The following EXOC2 variants were observed in gnomAD, a reference collection of about 807,000 sequenced individuals.
EXOC2 encodes exocyst complex component 2.
In EXOC2, 70 loss-of-function variants were observed where a neutral mutation model predicts 131.8. That is an observed-to-expected ratio of 0.53 (90% confidence interval 0.44 to 0.65). The LOEUF (loss-of-function observed/expected upper bound fraction) is 0.65, where lower values mean the gene tolerates loss of function less well. Ranked by LOEUF, EXOC2 falls within the 30% of genes least tolerant of loss-of-function variation. The pLI is 0.00. For synonymous variants in EXOC2, 411 were observed against 398.4 expected (o/e 1.03, Z -0.38); for missense variants, 923 against 1,108.6 (o/e 0.83, Z 2.38).
intron 1 of EXOC2, among the ~76,000 whole-genome samples, chr6:677,520 A>T (rs1006909269): frequency 3.3e-5 from 5 of 152,188 alleles, no homozygotes; most frequent in Non-Finnish European, 7.3e-5. Context: ...GACTTATTTT[A>T]TCCAGGTACT....
chr6:674,306 T>C (rs1347149581), intron 1 of EXOC2, among the ~76,000 whole-genome samples: 3 of 151,028 alleles, frequency 2.0e-5, no homozygotes, highest in African/African-American at 7.3e-5. Flanking sequence ...AATAATTCTA[T>C]AAAAAAAAAT....
chr6:679,199 C>T (rs1393057827), intron 1 of EXOC2: 1 of 150,252 alleles, frequency 6.7e-6, no homozygotes, highest in African/African-American at 2.5e-5. Context: ...AGGAAGTCTG[C>T]AAATATATTC....
chr6:679,773 C>T (rs371585620), intron 1 of EXOC2, among the ~76,000 whole-genome samples: 1 of 152,110 alleles, frequency 6.6e-6, no homozygotes, highest in African/African-American at 2.4e-5. Context: ...GAAAAACATG[C>T]GAAACCAAGA....
intron 3 of EXOC2, among the ~76,000 whole-genome samples, chr6:632,178 G>A (rs1337266436): frequency 6.6e-6 from 1 of 152,190 alleles, no homozygotes; most frequent in African/African-American, 2.4e-5. Flanking sequence ...TTAATTTGCT[G>A]GGTAAGGGAC....
chr6:597,918 C>T lies in EXOC2; in HGVS notation c.1073+103G>A, dbSNP rs1045473141. The T allele has an allele frequency of 4.0e-6, 3 of 750,850 alleles. No individual in the cohort carries two copies. In the African/African-American group the frequency reaches 5.4e-5, roughly 13 times the overall value. The allele number at this position is 750,850 out of a possible 1,614,324, so 46.5% of individuals were successfully genotyped here. On this transcript the variant is annotated intron_variant, in intron 10 of 27. Coordinates refer to ENST00000230449, the MANE Select transcript of EXOC2 (RefSeq NM_018303.6). Reference sequence around the variant, plus strand: ...CTATTTGTCTTCCCCTTCACCATTTCATCAATCTCCTAAAGTCCCTCAAGT... The same window carrying T: ...CTATTTGTCTTCCCCTTCACCATTTTATCAATCTCCTAAAGTCCCTCAAGT...
chr6:552,239 T>C (rs555943422), intron 21 of EXOC2, among the ~76,000 whole-genome samples: 6 of 152,336 alleles, frequency 3.9e-5, no homozygotes, highest in South Asian at 4.1e-4. Flanking sequence ...ACTGCCGACA[T>C]ACCTAGGCAG....
intron 23 of EXOC2, among the ~76,000 whole-genome samples, chr6:501,322 AT>A (rs1224216753): frequency 5.9e-4 from 1 of 1,708 alleles, no homozygotes; most frequent in African/African-American, 1.6e-3. Flanking sequence ...ATCTATATAT[AT>A]TATATATATC....
chr6:552,281 C>T (rs541340115), intron 21 of EXOC2, among the ~76,000 whole-genome samples: 2 of 152,342 alleles, frequency 1.3e-5, no homozygotes, highest in South Asian at 4.1e-4. Context: ...TTGTGAGGAC[C>T]AAGTGCCGCC....
At chr6:587,736 T>C (rs9504379) in intron 11 of EXOC2, among the ~76,000 whole-genome samples, 24,352 of 152,210 alleles carry the variant, frequency 0.16, 2,173 homozygotes, top group African/African-American at 0.2. Flanking sequence ...GCCTGTGCAC[T>C]GAGTATCAGC....
At chr6:615,772 G>T (rs1335996336) in intron 6 of EXOC2, among the ~76,000 whole-genome samples, 2 of 151,814 alleles carry the variant, frequency 1.3e-5, no homozygotes, top group Non-Finnish European at 1.5e-5. Context: ...AAAGGTGAGG[G>T]GATGGTTTTA....
At chr6:548,958 A>G (rs960316020) in intron 22 of EXOC2, among the ~76,000 whole-genome samples, 1 of 152,176 alleles carries the variant, frequency 6.6e-6, no homozygotes, top group Non-Finnish European at 1.5e-5. Flanking sequence ...TCTGCTCTAG[A>G]GAAAAGAAAA....
chr6:580,741 A>G (rs1279933110), intron 11 of EXOC2, among the ~76,000 whole-genome samples: 1 of 152,178 alleles, frequency 6.6e-6, no homozygotes, highest in East Asian at 1.9e-4. Flanking sequence ...TTAGGGCTTT[A>G]TACTATGCAA....
chr6:671,301 G>A (rs1337325720), intron 1 of EXOC2, among the ~76,000 whole-genome samples: 1 of 150,882 alleles, frequency 6.6e-6, no homozygotes, highest in African/African-American at 2.4e-5. Flanking sequence ...AGATTGCAGT[G>A]AGCCGAGCCT....
intron 17 of EXOC2, among the ~76,000 whole-genome samples, chr6:562,329 G>T (rs1398211782): frequency 1.3e-5 from 2 of 152,212 alleles, no homozygotes; most frequent in Non-Finnish European, 2.9e-5. Context: ...AAAAGTCCCA[G>T]CTGAAAAGAT....
chr6:632,938 T>C lies in EXOC2; in HGVS notation c.295+3A>G, dbSNP rs746773768. 4 of 1,604,454 alleles carry C rather than the reference T, an allele frequency of 2.5e-6. No individual in the cohort carries two copies. The highest frequency in any genetic ancestry group is 4.5e-5 in the East Asian group (2 of 44,746). On this transcript the variant is annotated splice_donor_region_variant and intron_variant, in intron 3 of 27. Transcript: ENST00000230449. ...TTTAGAATAAACCCATGAAAGACTTTACCTATTTTCTCAGGTTTGAGTAGC... is the reference window on the plus strand; with the variant it reads ...TTTAGAATAAACCCATGAAAGACTTCACCTATTTTCTCAGGTTTGAGTAGC...
chr6:583,806 T>C (rs1759048658), intron 11 of EXOC2, among the ~76,000 whole-genome samples: 1 of 152,230 alleles, frequency 6.6e-6, no homozygotes, highest in Admixed American at 6.5e-5. Flanking sequence ...AGCAGAAGCC[T>C]TCCCTGGAGG....
At chr6:489,172 G>C (rs1157171742) in intron 26 of EXOC2, 134 bp from the exon 27 acceptor site, 3 of 801,012 alleles carry the variant, frequency 3.7e-6, no homozygotes, top group Middle Eastern at 2.5e-4. Context: ...AAGTAAAAGT[G>C]AAAAACAATA....
chr6:565,386 T>C (rs1450716067), intron 13 of EXOC2, among the ~76,000 whole-genome samples: 3 of 152,220 alleles, frequency 2.0e-5, no homozygotes, highest in Admixed American at 2.0e-4. Flanking sequence ...GATTTCAGTG[T>C]AATTTAGGAT....
intron 17 of EXOC2, among the ~76,000 whole-genome samples, chr6:558,122 G>A (rs1757520705): frequency 6.6e-6 from 1 of 152,106 alleles, no homozygotes; most frequent in Non-Finnish European, 1.5e-5. Context: ...TTTTAAAAGA[G>A]TTTGGGAAAA....
Sources: gnomAD v4.1 joint callset for allele counts (sites outside exome capture counted in the v4.1 genomes callset) on GRCh38, gnomAD v4.1.1 for gene constraint, MANE v1.5 for transcripts, NCBI Gene and HGNC (gene_info 2026-07-23, HGNC 2026-07-21) for gene names.